Variants in LRGUK observed in about 807,000 individuals in gnomAD.
The protein encoded by LRGUK is leucine rich repeats and guanylate kinase domain containing.
A neutral mutation model predicts 76.0 loss-of-function variants in LRGUK; 65 were observed. The ratio of observed to expected loss-of-function variants is 0.85; its 90% CI spans 0.70 to 1.05. The LOEUF is 1.05. LRGUK is among the 50% of genes least tolerant of loss of function. The pLI is 0.00. For missense variants in LRGUK, 758 were observed against 732.8 expected, an observed-to-expected ratio of 1.03 and a Z score of -0.40; for synonymous variants, 268 against 265.6, an observed-to-expected ratio of 1.01 and a Z score of -0.09.
chr7:134,258,277 C>T (rs35862526), exon 19 of LRGUK: 314 of 1,613,918 alleles, frequency 1.9e-4, no homozygotes, highest in Non-Finnish European at 2.5e-4. Flanking sequence ...TCCTTGGTTT[C>T]CATGAAATGT....
At chr7:134,202,420 A>G (rs1336147409) in intron 15 of LRGUK, among the ~76,000 whole-genome samples, 4 of 152,142 alleles carry the variant, frequency 2.6e-5, no homozygotes, top group African/African-American at 9.7e-5. Context: ...CTCCTGTGGG[A>G]AACAGTATGG....
intron 15 of LRGUK, 26 bp downstream of exon 15, chr7:134,201,602 G>A: frequency 6.4e-7 from 1 of 1,567,232 alleles, no homozygotes; most frequent in South Asian, 1.2e-5. Flanking sequence ...TTTTGTGCCA[G>A]GATTTTTTTT....
rs187773604 is a variant in LRGUK at position 134,185,331 on chromosome 7, T to C, written c.1334+1478T>C. 1.1e-3 allele frequency among the ~76,000 whole-genome samples: 164 copies of C among 152,022 alleles called. 2 individuals carry two copies. The highest frequency in any genetic ancestry group is 3.7e-3 in the African/African-American group (153 of 41,450). On this transcript the variant is annotated intron_variant, in intron 11 of 15. Transcript: ENST00000645682. ...ATCCCAGCACTTTGGGAGGCTGAGG[T>C]GGGCGGATCACTTGAAGCCAGGAGT...
intron 3 of LRGUK, among the ~76,000 whole-genome samples, chr7:134,141,346 G>A (rs560539534): frequency 9.2e-5 from 14 of 152,152 alleles, no homozygotes; most frequent in Non-Finnish European, 1.8e-4. Flanking sequence ...CGGTAGGTTT[G>A]GGGCGGGGCC....
intron 15 of LRGUK, among the ~76,000 whole-genome samples, chr7:134,218,254 G>T (rs1801488791): frequency 6.6e-6 from 1 of 152,090 alleles, no homozygotes; most frequent in African/African-American, 2.4e-5. Flanking sequence ...CCATTTGAGT[G>T]GGGAAAAAAT....
the LRGUK span, among the ~76,000 whole-genome samples, chr7:134,270,519 A>G: frequency 6.6e-6 from 1 of 152,106 alleles, no homozygotes; most frequent in East Asian, 1.9e-4. Context: ...TGTAACCATT[A>G]TTCTCAGTTT....
At chr7:134,265,609 T>C (rs986767804), downstream of LRGUK, among the ~76,000 whole-genome samples, 3 of 152,164 alleles carry the variant, frequency 2.0e-5, no homozygotes, top group East Asian at 5.8e-4. Context: ...CCAAACACCA[T>C]GGATTAAACT....
At chr7:134,157,459 A>G (rs1585456737) in intron 5 of LRGUK, among the ~76,000 whole-genome samples, 1 of 152,234 alleles carries the variant, frequency 6.6e-6, no homozygotes, top group Non-Finnish European at 1.5e-5. Context: ...TGAGGCAGCT[A>G]TGAGCCACGG....
At chr7:134,132,105 T>C (rs1797334291) in intron 1 of LRGUK, among the ~76,000 whole-genome samples, 1 of 152,128 alleles carries the variant, frequency 6.6e-6, no homozygotes, top group African/African-American at 2.4e-5. Context: ...CCTGACACTT[T>C]GGGAGCCAGA....
intron 7 of LRGUK, among the ~76,000 whole-genome samples, chr7:134,173,748 A>T (rs1343895990): frequency 1.3e-5 from 2 of 152,228 alleles, no homozygotes; most frequent in Admixed American, 1.3e-4. Context: ...GAAATATGTC[A>T]TACAATTTTT....
intron 7 of LRGUK, among the ~76,000 whole-genome samples, chr7:134,169,426 T>G (rs1799153260): frequency 6.6e-6 from 1 of 152,144 alleles, no homozygotes; most frequent in Non-Finnish European, 1.5e-5. Context: ...TTGTGGTAGT[T>G]TGTTATGGAA....
At chr7:134,149,843 A>G (rs987583992) in intron 5 of LRGUK, among the ~76,000 whole-genome samples, 1 of 152,184 alleles carries the variant, frequency 6.6e-6, no homozygotes, top group Admixed American at 6.5e-5. Context: ...CTACACAGGA[A>G]GACCACAGCA....
chr7:134,224,401 C>A (rs1188664140), intron 16 of LRGUK, among the ~76,000 whole-genome samples: 1 of 152,184 alleles, frequency 6.6e-6, no homozygotes, highest in African/African-American at 2.4e-5. Context: ...GTTTAGGGAT[C>A]ATGTCCTTTG....
chr7:134,248,715 G>A, intron 17 of LRGUK, among the ~76,000 whole-genome samples: 1 of 152,146 alleles, frequency 6.6e-6, no homozygotes, highest in East Asian at 1.9e-4. Context: ...GTACTTTAAT[G>A]GCTATGGAAT....
chr7:134,259,811 C>A (rs985042762), intron 19 of LRGUK, among the ~76,000 whole-genome samples: 1 of 152,256 alleles, frequency 6.6e-6, no homozygotes, highest in African/African-American at 2.4e-5. Context: ...AAGGCTGGGA[C>A]CTGCCACTCC....
At chr7:134,135,013 T>G (rs1563134910) in intron 1 of LRGUK, among the ~76,000 whole-genome samples, 1 of 152,178 alleles carries the variant, frequency 6.6e-6, no homozygotes, top group Non-Finnish European at 1.5e-5. Context: ...GTCTATAAAA[T>G]AAACAGACAA....
chr7:134,211,234 G>C (rs534831578), downstream of LRGUK, among the ~76,000 whole-genome samples: 5 of 152,236 alleles, frequency 3.3e-5, no homozygotes, highest in East Asian at 9.6e-4. Context: ...ATCAGCTGCT[G>C]CCACCAAATT....
the LRGUK span, among the ~76,000 whole-genome samples, chr7:134,274,222 T>C: frequency 4.6e-5 from 7 of 152,244 alleles, 1 homozygote; most frequent in South Asian, 1.4e-3. Context: ...GACTAGTGAC[T>C]ACCATATTGG....
At chr7:134,272,231 G>A in the LRGUK span, among the ~76,000 whole-genome samples, 2 of 152,086 alleles carry the variant, frequency 1.3e-5, no homozygotes, top group African/African-American at 4.8e-5. Flanking sequence ...ATTGATAAGA[G>A]GGTGTTTTCT....
Sources: allele counts gnomAD v4.1 joint callset (sites outside exome capture counted in the v4.1 genomes callset), GRCh38; gene constraint gnomAD v4.1.1; transcripts MANE v1.5; gene names NCBI Gene and HGNC (gene_info 2026-07-23, HGNC 2026-07-21).